The following SCARF2 variants were observed in gnomAD, a reference collection of about 807,000 sequenced individuals.
SCARF2 encodes the protein scavenger receptor class F member 2.
Under a neutral mutation model 73.4 loss-of-function variants are expected in SCARF2, and 39 were observed. The observed-to-expected ratio is 0.53, with a 90% CI of 0.41 to 0.69. The LOEUF is 0.69. SCARF2 is among the 30% of genes least tolerant of loss of function. The pLI is 0.00. For missense variants in SCARF2, 1,148 were observed against 1,303.5 expected (o/e 0.88, Z 1.84); for synonymous variants, 605 against 590.0 (o/e 1.03, Z -0.37).
In SCARF2 at chr22:20,426,047, C is replaced by T. The variant is rs763388094; in HGVS notation, c.1929G>A (p.Leu643=). Residue 643 remains leucine (L), a synonymous_variant, in exon 11 of 11, where the codon CTG becomes CTA. Coordinates refer to ENST00000622235, the MANE Select transcript of SCARF2 (RefSeq NM_182895.5). ...PARARGEIGG[L]SLSPSPERRK... is the part of the protein sequence containing the mutation. ...TGCGCTCGGGCGATGGCGACAGCGA[C>T]AGGCCCCCAATCTCGCCCCGGGCCC... 4 of 1,575,226 alleles carry T rather than the reference C, an allele frequency of 2.5e-6. No homozygotes were observed. Among genetic ancestry groups the T allele is most frequent in the African/African-American group, 1.4e-5 (1 of 71,442 alleles).
In SCARF2 at chr22:20,437,717, C is replaced by T. The variant is rs1420974529; in HGVS notation, c.38G>A (p.Arg13Gln). The T allele has an allele frequency of 2.2e-6, 3 of 1,350,012 alleles. No individual in the cohort carries two copies. The South Asian group carries it at 5.1e-5, about 23-fold the overall frequency. 83.6% of individuals were successfully genotyped at this position (1,350,012 alleles called of 1,614,324 possible). Reference protein sequence around the residue: ...GAGPRGAGPARRRGAGGPPSP... With the variant: ...GAGPRGAGPAQRRGAGGPPSP... ...CGGCGGCCCCCCGGCTCCCCGGCGC[C>T]GCGCCGGCCCGGCCCCCCGGGGCCC... is the stretch of plus-strand genomic sequence containing the variant. The change falls in exon 1 of 11, where the codon CGG (arginine) becomes CAG (glutamine). Residue 13 changes from arginine (R) to glutamine (Q), a missense_variant. By Grantham distance (43) the Arg-to-Gln change is conservative. Coordinates refer to ENST00000622235, the MANE Select transcript of SCARF2 (RefSeq NM_182895.5).
intron 9 of SCARF2, among the ~76,000 whole-genome samples, chr22:20,428,760 G>A (rs556200810): frequency 6.6e-6 from 1 of 152,158 alleles, no homozygotes; most frequent in Non-Finnish European, 1.5e-5. Context: ...CCCCTATCCT[G>A]TTGGTGGGTG....
intron 10 of SCARF2, 94 bp from the exon 11 acceptor site, chr22:20,426,376 C>A: frequency 7.2e-7 from 1 of 1,398,356 alleles, no homozygotes; most frequent in Non-Finnish European, 9.6e-7. Flanking sequence ...CTCCTCTACC[C>A]ACGCCCTTGG....
Position 20,429,832 on chromosome 22 carries a change from A to G in SCARF2, c.1204T>C (p.Cys402Arg). Residue 402 changes from cysteine to arginine, a missense_variant and splice_region_variant, in exon 7 of 11, where the codon TGT becomes CGT. This residue lies in a region of SCARF2 where 372 missense variants were observed against 532.0 expected (regional missense o/e 0.70). Transcript: ENST00000622235. This position sits in a 1 kb window ranked among gnomAD's most constrained non-coding sequence, Gnocchi z 5.2. Reference protein sequence around the residue: ...LCSPGVHGPHCNVTCPPGLHG... With the variant: ...LCSPGVHGPHRNVTCPPGLHG... ...AGTCCGGGCGGGCACGTCACGTTAC[A>G]GCTGCCGGGACATAGGGTCAAGGCA... 6.2e-7 allele frequency: 1 copy of G among 1,612,416 alleles called. No homozygotes were observed. The highest frequency in any genetic ancestry group is 8.5e-7 in the Non-Finnish European group (1 of 1,179,656).
intron 1 of SCARF2, among the ~76,000 whole-genome samples, chr22:20,433,170 C>A (rs937589159): frequency 6.6e-6 from 1 of 152,178 alleles, no homozygotes; most frequent in African/African-American, 2.4e-5. Context: ...TGAGTGAAGC[C>A]ATGATGGCTA....
In SCARF2 at chr22:20,425,785, T is replaced by C; in HGVS notation, c.2191A>G (p.Thr731Ala). ...PRPPGLPEEA[T>A]ALAAPSPPRA... ...GGCGGCGAGGGCGCAGCGAGGGCTG[T>C]CGCCTCCTCGGGCAGCCCGGGGGGC... Residue 731 changes from threonine (T) to alanine (A), a missense_variant, in exon 11 of 11, where the codon ACA becomes GCA. By Grantham distance (58) the Thr-to-Ala change is moderately conservative. Around this residue, in one of 5 missense-constraint regions of SCARF2, gnomAD observed 437 missense variants for 433.6 expected, o/e 1.01. Transcript: ENST00000622235. The surrounding 1 kb of genome is among the most constrained non-coding windows in gnomAD (Gnocchi z 4.6). 1 of 1,429,310 alleles carries C rather than the reference T, an allele frequency of 7.0e-7. No individual in the cohort carries two copies. The highest frequency in any genetic ancestry group is 1.5e-5 in the South Asian group (1 of 68,432). 88.5% of individuals were successfully genotyped at this position (1,429,310 alleles called of 1,614,324 possible). A position where few individuals can be genotyped will look rare whatever the true frequency, so the allele number is the denominator to read the frequency against.
intron 1 of SCARF2, among the ~76,000 whole-genome samples, chr22:20,432,525 G>A (rs148255391): frequency 6.6e-5 from 10 of 152,278 alleles, no homozygotes; most frequent in Middle Eastern, 3.4e-3. Flanking sequence ...AGGGGGACGG[G>A]GGGTGGCATG....
chr22:20,430,117 G>A (rs1378262538), intron 6 of SCARF2, among the ~76,000 whole-genome samples: 1 of 152,214 alleles, frequency 6.6e-6, no homozygotes, highest in Non-Finnish European at 1.5e-5. Context: ...TCGGCTAGGT[G>A]GGAAGAGGGG....
In SCARF2 at chr22:20,430,621, T is replaced by G. The variant is rs879193; in HGVS notation, c.1074-64A>C. 155,314 of 1,606,724 alleles carry G rather than the reference T, an allele frequency of 0.097. 13,884 individuals are homozygous for G. The highest frequency in any genetic ancestry group is 0.48 in the East Asian group (21,465 of 44,530). On this transcript the variant is annotated intron_variant, in intron 5 of 10. Coordinates refer to ENST00000622235, the MANE Select transcript of SCARF2 (RefSeq NM_182895.5). Reference sequence around the variant, plus strand: ...CAAACGGACCACAGCGCCCTCGACATTGGGGCCTTTGTTAGGGAGGCAGGG... The same window carrying G: ...CAAACGGACCACAGCGCCCTCGACAGTGGGGCCTTTGTTAGGGAGGCAGGG...
intron 10 of SCARF2, 35 bp downstream of exon 10, chr22:20,427,363 G>A (rs2052590408): frequency 1.2e-6 from 2 of 1,612,896 alleles, no homozygotes; most frequent in African/African-American, 2.7e-5. Flanking sequence ...ACATTTCACT[G>A]GGCTGGAGTG....
chr22:20,425,291 C>T lies in SCARF2; in HGVS notation c.*84G>A. The stretch of plus-strand genomic sequence containing the variant: ...GCGGTGCCCGGCCAATAGGAGGCCG[C>T]CCGTGCCCGGTAGCGTGGGAGGTGT... On this transcript the variant is annotated 3_prime_UTR_variant, in exon 11 of 11. Transcript: ENST00000622235. The surrounding 1 kb of genome is among the most constrained non-coding windows in gnomAD (Gnocchi z 4.6). 8.3e-7 allele frequency: 1 copy of T among 1,202,674 alleles called. No homozygotes were observed. Among genetic ancestry groups the T allele is most frequent in the Non-Finnish European group, 1.1e-6 (1 of 936,208 alleles). The allele number at this position is 1,202,674 out of a possible 1,614,324, so 74.5% of individuals were successfully genotyped here.
Position 20,430,883 on chromosome 22 carries a change from G to T in SCARF2, c.880C>A (p.Pro294Thr). Reference protein sequence around the residue: ...RRCGQCKGQQPCTVAEGRCLT... With the variant: ...RRCGQCKGQQTCTVAEGRCLT... ...CAGCGGCCCTCGGCCACCGTGCACG[G>T]CTGCTGGCCCTTGCACTGGCCACAC... Residue 294 changes from proline to threonine, a missense_variant, in exon 5 of 11, where the codon CCG becomes ACG. By Grantham distance (38) the Pro-to-Thr change is conservative. Coordinates refer to ENST00000622235, the MANE Select transcript of SCARF2 (RefSeq NM_182895.5). 6.2e-7 allele frequency: 1 copy of T among 1,601,918 alleles called. No homozygotes were observed. The highest frequency in any genetic ancestry group is 8.5e-7 in the Non-Finnish European group (1 of 1,177,336).
chr22:20,425,511 G>C lies in SCARF2; in HGVS notation c.2465C>G (p.Pro822Arg). The change falls in exon 11 of 11, where the codon CCG becomes CGG. Residue 822 changes from proline to arginine, a missense_variant. Pro to Arg is a moderately radical substitution (Grantham distance 103). Transcript: ENST00000622235. This position sits in a 1 kb window ranked among gnomAD's most constrained non-coding sequence, Gnocchi z 4.6. Reference protein sequence around the residue: ...PARAPPATETPGPEKAATDLP... With the variant: ...PARAPPATETRGPEKAATDLP... ...GTCGGTCGCCGCCTTCTCAGGCCCCGGGGTTTCGGTCGCTGGGGGCGCGCG... is the reference window on the plus strand; with the variant it reads ...GTCGGTCGCCGCCTTCTCAGGCCCCCGGGTTTCGGTCGCTGGGGGCGCGCG... 1.5e-6 allele frequency: 2 copies of C among 1,356,940 alleles called. No individual in the cohort carries two copies. The highest frequency in any genetic ancestry group is 1.9e-6 in the Non-Finnish European group (2 of 1,056,626). 84.1% of individuals were successfully genotyped at this position (1,356,940 alleles called of 1,614,324 possible). A position where few individuals can be genotyped will look rare whatever the true frequency, so the allele number is the denominator to read the frequency against.
rs767387747 is a variant in SCARF2, at chr22:20,425,411, C to A, written c.2565G>T (p.Ala855=). The A allele has an allele frequency of 7.0e-7, 1 of 1,428,912 alleles. No homozygotes were observed. 88.5% of individuals were successfully genotyped at this position (1,428,912 alleles called of 1,614,324 possible). Residue 855 remains alanine (A), a synonymous_variant, in exon 11 of 11, where the codon GCG becomes GCT. Coordinates refer to ENST00000622235, the MANE Select transcript of SCARF2 (RefSeq NM_182895.5). The surrounding 1 kb of genome is among the most constrained non-coding windows in gnomAD (Gnocchi z 4.6). ...GTGCGCCCGCCCTGCCCAGCTCGCC[C>A]GCCGCCTCCCGGCTCTTCTTGCGCG... ...KPPRKKSREA[A]GELGRAGAPT...
intron 10 of SCARF2, among the ~76,000 whole-genome samples, chr22:20,427,115 C>T (rs1450240143): frequency 2.6e-5 from 4 of 152,180 alleles, no homozygotes; most frequent in African/African-American, 7.2e-5. Flanking sequence ...CCTCCTGTCT[C>T]CTCTGCCACC....
Position 20,426,089 on chromosome 22 carries a change from G to A in SCARF2, c.1887C>T (p.Arg629=), listed in dbSNP as rs925727207. The A allele has an allele frequency of 4.0e-6, 6 of 1,511,692 alleles. No individual in the cohort carries two copies. In the South Asian group the frequency reaches 6.3e-5, roughly 16 times the overall value. The allele number at this position is 1,511,692 out of a possible 1,614,324, so 93.6% of individuals were successfully genotyped here. The change falls in exon 11 of 11, where the codon CGC becomes CGT. Residue 629 remains arginine, a synonymous_variant. Coordinates refer to ENST00000622235, the MANE Select transcript of SCARF2 (RefSeq NM_182895.5). Reference sequence around the variant, plus strand: ...CCCGGGCCCGGGCCGGCCGGGCCTCGCGTCGGGCCACGCGCGCGTACAGAG... The same window carrying A: ...CCCGGGCCCGGGCCGGCCGGGCCTCACGTCGGGCCACGCGCGCGTACAGAG... ...GGALYARVAR[R]EARPARARGE...
Position 20,425,467 on chromosome 22 carries a change from G to T in SCARF2, c.2509C>A (p.Pro837Thr), listed in dbSNP as rs1012115551. 3 of 1,405,176 alleles carry T rather than the reference G, an allele frequency of 2.1e-6. No homozygotes were observed. The highest frequency in any genetic ancestry group is 2.8e-6 in the Non-Finnish European group (3 of 1,078,590). 87.0% of individuals were successfully genotyped at this position (1,405,176 alleles called of 1,614,324 possible). A position where few individuals can be genotyped will look rare whatever the true frequency, so the allele number is the denominator to read the frequency against. Residue 837 changes from proline (P) to threonine (T), a missense_variant, in exon 11 of 11, where the codon CCC (proline) becomes ACC (threonine). Transcript: ENST00000622235. This position sits in a 1 kb window ranked among gnomAD's most constrained non-coding sequence, Gnocchi z 4.6. Reference protein sequence around the residue: ...AATDLPAPETPRKKTPIQKPP... With the variant: ...AATDLPAPETTRKKTPIQKPP... ...TTCTGGATGGGGGTCTTCTTCCGGG[G>T]GGTCTCAGGCGCGGGCAAGTCGGTC...
rs771460620 is a variant in SCARF2 at position 20,431,527 on chromosome 22, G to C, written c.345C>G (p.Arg115=). ...CCTTGCAGTCGGGGCCCCAGAACTG[G>C]CGCGGGCACTCTGCAGGGGAGGAGC... ...FGANCDTKCP[R]QFWGPDCKEL... The change falls in exon 4 of 11, where the codon CGC becomes CGG. Residue 115 remains arginine (R), a synonymous_variant. Transcript: ENST00000622235. The C allele has an allele frequency of 7.6e-6, 12 of 1,575,684 alleles. No individual in the cohort carries two copies. In the South Asian group the frequency reaches 1.4e-4, roughly 18 times the overall value.
chr22:20,431,038 G>T lies in SCARF2; in HGVS notation c.834C>A (p.Tyr278Ter). The T allele has an allele frequency of 6.3e-7, 1 of 1,575,018 alleles. No homozygotes were observed. Among genetic ancestry groups the T allele is most frequent in the Non-Finnish European group, 8.6e-7 (1 of 1,168,730 alleles). Residue 278 changes from tyrosine (Y) to a stop codon, truncating the protein, a stop_gained, in exon 4 of 11, where the codon TAC (tyrosine) becomes TAA (stop). Coordinates refer to ENST00000622235, the MANE Select transcript of SCARF2 (RefSeq NM_182895.5). LOFTEE classifies it high-confidence loss of function. ...CTTACCGGCGGCGACAGCCCAAGCC[G>T]TAGAAGCCGGCGGGGCACGGCTCGC... The part of the protein sequence containing the change: ...YCREPCPAGF[Y>*]GLGCRRRCGQ...
Sources: gnomAD v4.1 joint callset for allele counts (sites outside exome capture counted in the v4.1 genomes callset) on GRCh38, gnomAD v4.1.1 for gene constraint, gnomAD v4.1.1 regional missense constraint, Gnocchi (gnomAD v3.1) non-coding constraint, MANE v1.5 for transcripts, NCBI Gene and HGNC (gene_info 2026-07-23, HGNC 2026-07-21) for gene names.